Variants in UMAD1 observed in about 807,000 individuals in gnomAD.
UMAD1 encodes UBAP1-MVB12-associated (UMA)-domain containing protein 1.
A neutral mutation model predicts 6.1 loss-of-function variants in UMAD1; 8 were observed. The ratio of observed to expected loss-of-function variants is 1.30; its 90% CI spans 0.76 to 2.35. The LOEUF is 2.35. UMAD1 is among the 30% of genes most tolerant of loss of function. The pLI is 0.00. For synonymous variants in UMAD1, 56 were observed against 31.4 expected, an observed-to-expected ratio of 1.78 and a Z score of -2.61; for missense variants, 130 against 78.4, an observed-to-expected ratio of 1.66 and a Z score of -2.49.
At position 7,830,220 on chromosome 7, in the gene UMAD1, A is replaced by G. The variant is rs1324850153; in HGVS notation, c.156+28477A>G. 6.6e-6 allele frequency among the ~76,000 whole-genome samples: 1 copy of G among 152,138 alleles called. No homozygotes were observed. Among genetic ancestry groups the G allele is most frequent in the Non-Finnish European group, 1.5e-5 (1 of 68,034 alleles). On this transcript the variant is annotated intron_variant, in intron 3 of 3. Coordinates refer to ENST00000682710, the MANE Select transcript of UMAD1 (RefSeq NM_001302348.2). The surrounding 1 kb of genome is among the most constrained non-coding windows in gnomAD (Gnocchi z 5.3). ...TACCTTGTACGTTGTGCTGGAATCA[A>G]CTTGCCATTTCCTAAACATGCGTTG... is the stretch of plus-strand genomic sequence containing the variant.
At chr7:7,825,751 T>G (rs1275495405) in intron 3 of UMAD1, among the ~76,000 whole-genome samples, 4 of 152,158 alleles carry the variant, frequency 2.6e-5, no homozygotes, top group Non-Finnish European at 5.9e-5. Context: ...AAAAAGGTGT[T>G]TGTGAAAAAG....
At chr7:7,871,188 T>C (rs989916397) in intron 3 of UMAD1, among the ~76,000 whole-genome samples, 1 of 152,236 alleles carries the variant, frequency 6.6e-6, no homozygotes, top group Admixed American at 6.5e-5. Context: ...GTCACCTTAA[T>C]GATTTTCTCA....
rs151287666 is a variant in UMAD1 at position 7,782,398 on chromosome 7, A to T, written c.83-19272A>T. Among the ~76,000 whole-genome samples the T allele has an allele frequency of 1.3e-3, 204 of 152,274 alleles. 1 individual carries two copies. Among genetic ancestry groups the T allele is most frequent in the African/African-American group, 4.7e-3 (197 of 41,562 alleles). ...CTTCATACATGCGTGCATGTAAGAT[A>T]CCAGTATTTGTGTCAGGGGTTGTCT... On this transcript the variant is annotated intron_variant, in intron 2 of 3. Transcript: ENST00000682710.
At chr7:7,741,816 A>C (rs1781474075) in intron 2 of UMAD1, among the ~76,000 whole-genome samples, 1 of 151,930 alleles carries the variant, frequency 6.6e-6, no homozygotes, top group Non-Finnish European at 1.5e-5. Context: ...TCCTTGTAAA[A>C]CTTAAGTAAA....
intron 2 of UMAD1, among the ~76,000 whole-genome samples, chr7:7,784,260 AG>A (rs1445445312): frequency 6.6e-6 from 1 of 152,098 alleles, no homozygotes; most frequent in Non-Finnish European, 1.5e-5. Context: ...GCTTATTATA[AG>A]GAGTTTGTCC....
intron 2 of UMAD1, among the ~76,000 whole-genome samples, chr7:7,711,096 G>A (rs1780751838): frequency 6.6e-6 from 1 of 152,194 alleles, no homozygotes; most frequent in Non-Finnish European, 1.5e-5. Context: ...GGGGATTCTG[G>A]TGGTTATGGA....
chr7:7,823,924 C>G (rs1783294326), intron 3 of UMAD1, among the ~76,000 whole-genome samples: 1 of 152,060 alleles, frequency 6.6e-6, no homozygotes, highest in Non-Finnish European at 1.5e-5. Context: ...GTATTAAATG[C>G]CTAGCAGTAT....
rs560496040 is a variant in UMAD1, at chr7:7,667,871, C to G, written c.-63-5438C>G. On this transcript the variant is annotated intron_variant, in intron 1 of 3. Transcript: ENST00000682710. Reference sequence around the variant, plus strand: ...CAATAGAATTTGGTTTAAGATTGTGCTCTACTCTACTAGCTATGTAAACTT... The same window carrying G: ...CAATAGAATTTGGTTTAAGATTGTGGTCTACTCTACTAGCTATGTAAACTT... Among the ~76,000 whole-genome samples the G allele has an allele frequency of 1.4e-3, 216 of 152,282 alleles. 2 individuals are homozygous for G. Among genetic ancestry groups the G allele is most frequent in the Non-Finnish European group, 2.0e-3 (137 of 68,022 alleles).
intron 2 of UMAD1, among the ~76,000 whole-genome samples, chr7:7,745,084 C>G (rs1250358421): frequency 6.6e-6 from 1 of 151,948 alleles, no homozygotes; most frequent in Admixed American, 6.6e-5. Context: ...ATAAAGCAAG[C>G]TAGAGAAAAA....
chr7:7,696,029 A>T (rs1327374485), intron 2 of UMAD1, among the ~76,000 whole-genome samples: 4 of 125,702 alleles, frequency 3.2e-5, no homozygotes, highest in East Asian at 2.6e-4. Flanking sequence ...TTTTTTTTTG[A>T]GATGGAGTCT....
chr7:7,856,333 A>G lies in UMAD1; in HGVS notation c.157-20948A>G, dbSNP rs914050904. 2.0e-5 allele frequency among the ~76,000 whole-genome samples: 3 copies of G among 152,232 alleles called. No individual in the cohort carries two copies. In the South Asian group the frequency reaches 6.2e-4, roughly 31 times the overall value. ...TGCATGGCTGGGAGGGCCTCAGGAA[A>G]CTTACAGTCATGGTAGAAGGCACCT... On this transcript the variant is annotated intron_variant, in intron 3 of 3. Transcript: ENST00000682710.
At chr7:7,839,380 T>TA (rs996090176) in intron 3 of UMAD1, among the ~76,000 whole-genome samples, 60 of 151,846 alleles carry the variant, frequency 4.0e-4, no homozygotes, top group Non-Finnish European at 6.9e-4. Context: ...CAGGCTAATT[T>TA]AAAAAAAAAT....
chr7:7,731,909 C>A (rs916889597), intron 2 of UMAD1, among the ~76,000 whole-genome samples: 6 of 152,112 alleles, frequency 3.9e-5, no homozygotes, highest in African/African-American at 1.4e-4. Flanking sequence ...GACCTGATGA[C>A]CTTGAGCAAA....
At chr7:7,779,947 G>C (rs1782310329) in intron 2 of UMAD1, among the ~76,000 whole-genome samples, 1 of 152,138 alleles carries the variant, frequency 6.6e-6, no homozygotes. Flanking sequence ...CCCGGCCCAA[G>C]TTTCTTAATA....
intron 3 of UMAD1, among the ~76,000 whole-genome samples, chr7:7,849,834 G>T (rs939839490): frequency 1.3e-5 from 2 of 152,128 alleles, no homozygotes; most frequent in African/African-American, 4.8e-5. Context: ...TTAAGATGGA[G>T]TGGACAGAGC....
rs7794570 is a variant in UMAD1, at chr7:7,690,316, T to C, written c.82+16863T>C. On this transcript the variant is annotated intron_variant, in intron 2 of 3. Coordinates refer to ENST00000682710, the MANE Select transcript of UMAD1 (RefSeq NM_001302348.2). Reference sequence around the variant, plus strand: ...TAAGCATGGAAGTTCAGGAGAAAAATTGAAGTGTATATGTTTCCTTTTACC... The same window carrying C: ...TAAGCATGGAAGTTCAGGAGAAAAACTGAAGTGTATATGTTTCCTTTTACC... Among the ~76,000 whole-genome samples the C allele has an allele frequency of 2.5e-3, 379 of 152,046 alleles. 1 individual carries two copies. Among genetic ancestry groups the C allele is most frequent in the African/African-American group, 8.8e-3 (363 of 41,458 alleles).
chr7:7,722,497 ACT>A (rs937132471), intron 2 of UMAD1, among the ~76,000 whole-genome samples: 2 of 152,086 alleles, frequency 1.3e-5, no homozygotes, highest in African/African-American at 4.8e-5. Flanking sequence ...GGGTTTAGTG[ACT>A]CTGTACATAA....
At chr7:7,645,809 T>C (rs928249208) in intron 1 of UMAD1, among the ~76,000 whole-genome samples, 2 of 137,570 alleles carry the variant, frequency 1.5e-5, no homozygotes, top group African/African-American at 5.9e-5. Flanking sequence ...CTGTTGTTTT[T>C]GTTTAGGATT....
At chr7:7,650,584 G>A (rs549829302) in intron 1 of UMAD1, among the ~76,000 whole-genome samples, 6 of 152,294 alleles carry the variant, frequency 3.9e-5, no homozygotes, top group South Asian at 2.1e-4. Flanking sequence ...CCACTAAACC[G>A]TACACTTAAA....
Sources: allele counts gnomAD v4.1 joint callset (sites outside exome capture counted in the v4.1 genomes callset), GRCh38; gene constraint gnomAD v4.1.1; non-coding constraint Gnocchi (gnomAD v3.1); transcripts MANE v1.5; gene names NCBI Gene and HGNC (gene_info 2026-07-23, HGNC 2026-07-21).